Variants in BIRC6 observed in about 807,000 individuals in gnomAD.
BIRC6 encodes dual E2 ubiquitin-conjugating enzyme/E3 ubiquitin-protein ligase BIRC6.
In BIRC6, 98 loss-of-function variants were observed where a neutral mutation model predicts 503.3. The observed-to-expected ratio is 0.19, with a 90% CI of 0.17 to 0.23. The LOEUF (loss-of-function observed/expected upper bound fraction) is 0.23. BIRC6 is among the 10% of genes least tolerant of loss of function. The pLI is 1.00. For missense variants in BIRC6, 5,360 were observed against 5,806.0 expected, an observed-to-expected ratio of 0.92 and a Z score of 2.50; for synonymous variants, 2,240 against 2,078.7, an observed-to-expected ratio of 1.08 and a Z score of -2.11.
At chr2:32,571,009 C>T (rs1052878883) in intron 65 of BIRC6, among the ~76,000 whole-genome samples, 1 of 151,824 alleles carries the variant, frequency 6.6e-6, no homozygotes, top group African/African-American at 2.4e-5. Flanking sequence ...GGTTTTCTTG[C>T]TCTTTTGACC....
At chr2:32,420,584 G>A (rs1190187855) in intron 10 of BIRC6, among the ~76,000 whole-genome samples, 1 of 152,012 alleles carries the variant, frequency 6.6e-6, no homozygotes. Context: ...TGCAGTTTTG[G>A]CTCACTGCAA....
At chr2:32,523,052 C>G (rs1402072362) in intron 57 of BIRC6, 2 of 152,184 alleles carry the variant, frequency 1.3e-5, no homozygotes, top group Non-Finnish European at 2.9e-5. Flanking sequence ...CTGCCCTGCC[C>G]TGCCTGATAC....
intron 1 of BIRC6, among the ~76,000 whole-genome samples, chr2:32,370,920 C>T (rs979745159): frequency 6.6e-6 from 1 of 152,064 alleles, no homozygotes; most frequent in African/African-American, 2.4e-5. Flanking sequence ...TTTCTTGTAA[C>T]ATTTTTGCAA....
intron 19 of BIRC6, 90 bp from the exon 20 acceptor site, chr2:32,443,401 T>A: frequency 1.2e-6 from 1 of 830,294 alleles, no homozygotes; most frequent in Non-Finnish European, 1.9e-6. Flanking sequence ...AGAATACATT[T>A]TAAAGATTTT....
chr2:32,414,883 C>G lies in BIRC6; in HGVS notation c.1592C>G (p.Thr531Ser), dbSNP rs766551546. 1 of 1,613,952 alleles carries G rather than the reference C, an allele frequency of 6.2e-7. No individual in the cohort carries two copies. Among genetic ancestry groups the G allele is most frequent in the Non-Finnish European group, 8.5e-7 (1 of 1,179,872 alleles). The change falls in exon 10 of 74, where the codon ACT becomes AGT. Residue 531 changes from threonine (T) to serine (S), a missense_variant. By Grantham distance (58) the Thr-to-Ser change is moderately conservative. Transcript: ENST00000421745. ...ATTGTTGCAAATGTGCTTGAAGATA[C>G]TGTTAAGGATCTTGAAGAACTTGGG... ...WEIVANVLED[T>S]VKDLEELGAN... is the part of the protein sequence containing the mutation.
chr2:32,518,803 T>G lies in BIRC6; in HGVS notation c.11494-14T>G. 3 of 1,608,628 alleles carry G rather than the reference T, an allele frequency of 1.9e-6. No homozygotes were observed. Among genetic ancestry groups the G allele is most frequent in the Non-Finnish European group, 2.5e-6 (3 of 1,177,144 alleles). On this transcript the variant is annotated splice_polypyrimidine_tract_variant and intron_variant, in intron 56 of 73. Coordinates refer to ENST00000421745, the MANE Select transcript of BIRC6 (RefSeq NM_016252.4). ...AAAGTTACTTCCTGATTTCTTTGAT[T>G]TCTTGATTTTCAGCTGTACAAAGGT...
chr2:32,398,998 A>C (rs1408014394), intron 6 of BIRC6, among the ~76,000 whole-genome samples: 1 of 152,176 alleles, frequency 6.6e-6, no homozygotes, highest in African/African-American at 2.4e-5. Context: ...TTTTATGTGT[A>C]AAGTTCTTTC....
intron 65 of BIRC6, among the ~76,000 whole-genome samples, chr2:32,568,570 C>T (rs533559360): frequency 6.0e-5 from 9 of 149,788 alleles, no homozygotes; most frequent in African/African-American, 2.2e-4. Flanking sequence ...TTTGGCTGGG[C>T]GCAGTGGCTC....
At position 32,380,416 on chromosome 2, in the gene BIRC6, T is replaced by C. The variant is rs369679655; in HGVS notation, c.645+126T>C. The stretch of plus-strand genomic sequence containing the variant: ...TAGATTTTTCTTTTAAAAAGCAGAA[T>C]GTGCTTATAAGTCATCTTAAAGTTG... On this transcript the variant is annotated intron_variant, in intron 3 of 73. Coordinates refer to ENST00000421745, the MANE Select transcript of BIRC6 (RefSeq NM_016252.4). 6 of 1,291,910 alleles carry C rather than the reference T, an allele frequency of 4.6e-6. No individual in the cohort carries two copies. In the East Asian group the frequency reaches 1.1e-4, roughly 24 times the overall value. The allele number at this position is 1,291,910 out of a possible 1,614,324, so 80.0% of individuals were successfully genotyped here. A position where few individuals can be genotyped will look rare whatever the true frequency, so the allele number is the denominator to read the frequency against.
chr2:32,406,585 T>C (rs2041242428), intron 9 of BIRC6, 28 bp downstream of exon 9: 2 of 1,536,638 alleles, frequency 1.3e-6, no homozygotes, highest in South Asian at 1.2e-5. Flanking sequence ...GATAATGTAT[T>C]TAAAAAATTC....
chr2:32,546,268 T>C (rs1164772711), intron 63 of BIRC6, among the ~76,000 whole-genome samples: 1 of 152,146 alleles, frequency 6.6e-6, no homozygotes, highest in East Asian at 1.9e-4. Context: ...TTCAATATGA[T>C]TTAATTGTAT....
chr2:32,476,571 T>C (rs940415617), intron 34 of BIRC6, among the ~76,000 whole-genome samples: 1 of 152,082 alleles, frequency 6.6e-6, no homozygotes, highest in African/African-American at 2.4e-5. Context: ...TTCCAGTAAA[T>C]TGAAGATAAA....
intron 23 of BIRC6, among the ~76,000 whole-genome samples, chr2:32,457,559 A>T (rs759400550): frequency 6.6e-6 from 1 of 152,134 alleles, no homozygotes; most frequent in Non-Finnish European, 1.5e-5. Flanking sequence ...TACATTATTA[A>T]TGCTCATAAT....
Position 32,448,796 on chromosome 2 carries a change from T to G in BIRC6, c.4486T>G (p.Tyr1496Asp). 1 of 1,591,698 alleles carries G rather than the reference T, an allele frequency of 6.3e-7. No homozygotes were observed. Among genetic ancestry groups the G allele is most frequent in the Non-Finnish European group, 8.5e-7 (1 of 1,173,986 alleles). ...TTAGTGCATTATTTTATTTTTCAGA[T>G]ATGGATTATATAGCTCACCATTTGA... ...TPMEALLQTR[Y>D]GLYSSPFDPV... The change falls in exon 22 of 74, where the codon TAT becomes GAT. Residue 1496 changes from tyrosine (Y) to aspartate (D), a missense_variant and splice_region_variant. Coordinates refer to ENST00000421745, the MANE Select transcript of BIRC6 (RefSeq NM_016252.4).
chr2:32,438,602 C>A (rs2045024013), intron 15 of BIRC6, among the ~76,000 whole-genome samples: 1 of 148,984 alleles, frequency 6.7e-6, no homozygotes, highest in Non-Finnish European at 1.5e-5. Context: ...CTCTGTCGCC[C>A]AGGCTGGAGT....
At chr2:32,591,278 ATTTC>A (rs1358105372) in intron 66 of BIRC6, among the ~76,000 whole-genome samples, 1 of 152,102 alleles carries the variant, frequency 6.6e-6, no homozygotes, top group Admixed American at 6.6e-5. Flanking sequence ...AATATATATC[ATTTC>A]TTTCACACAT....
intron 70 of BIRC6, 63 bp from the exon 71 acceptor site, chr2:32,602,942 GT>G (rs1398496093): frequency 2.2e-6 from 3 of 1,388,550 alleles, no homozygotes; most frequent in Non-Finnish European, 3.0e-6. Context: ...TTTACTTCTC[GT>G]TATGACAGTT....
At chr2:32,359,390 ATATATT>A (rs2149055134) in intron 1 of BIRC6, among the ~76,000 whole-genome samples, 1 of 152,340 alleles carries the variant, frequency 6.6e-6, no homozygotes, top group East Asian at 1.9e-4. Flanking sequence ...GAAATTGGAC[ATATATT>A]TATGTGCCTG....
intron 56 of BIRC6, 21 bp from the exon 57 acceptor site, chr2:32,518,796 C>CT: frequency 6.2e-7 from 1 of 1,606,796 alleles, no homozygotes; most frequent in South Asian, 1.1e-5. Context: ...TTCCTGATTT[C>CT]TTTGATTTCT....
Sources: gnomAD v4.1 joint callset for allele counts (sites outside exome capture counted in the v4.1 genomes callset) on GRCh38, gnomAD v4.1.1 for gene constraint, MANE v1.5 for transcripts, NCBI Gene and HGNC (gene_info 2026-07-23, HGNC 2026-07-21) for gene names.